Variants in RABGAP1L observed in about 807,000 individuals in gnomAD.
RABGAP1L encodes rab GTPase-activating protein 1-like.
Under a neutral mutation model 137.7 loss-of-function variants are expected in RABGAP1L, and 63 were observed. The observed-to-expected ratio is 0.46, with a 90% CI of 0.37 to 0.56. RABGAP1L has a LOEUF of 0.56. Ranked by LOEUF, RABGAP1L falls within the 20% of genes least tolerant of loss-of-function variation. The pLI is 0.00. For missense variants in RABGAP1L, 1,095 were observed against 1,244.0 expected (o/e 0.88, Z 1.80); for synonymous variants, 431 against 433.7 (o/e 0.99, Z 0.08).
In RABGAP1L at chr1:174,652,515, G is replaced by A. The variant is rs979352026; in HGVS notation, c.1824+15027G>A. On this transcript the variant is annotated intron_variant, in intron 14 of 25. Coordinates refer to ENST00000681986, the MANE Select transcript of RABGAP1L (RefSeq NM_001366446.1). ...GGATGTCCTTTTTGTTGATGTTGATGCTGTTCCTTTCTGTTTGTTAGTTTT... is the reference window on the plus strand; with the variant it reads ...GGATGTCCTTTTTGTTGATGTTGATACTGTTCCTTTCTGTTTGTTAGTTTT... 4.6e-5 allele frequency among the ~76,000 whole-genome samples: 7 copies of A among 152,284 alleles called. No individual in the cohort carries two copies. In the East Asian group the frequency reaches 1.4e-3, roughly 29 times the overall value.
intron 19 of RABGAP1L, among the ~76,000 whole-genome samples, chr1:174,936,321 A>ATTT (rs1295918623): frequency 2.0e-5 from 3 of 152,032 alleles, no homozygotes; most frequent in Non-Finnish European, 4.4e-5. Flanking sequence ...TAAGAAAATT[A>ATTT]GCTGGGAGTG....
At chr1:174,353,252 A>G (rs147492755) in intron 11 of RABGAP1L, among the ~76,000 whole-genome samples, 51 of 152,084 alleles carry the variant, frequency 3.4e-4, no homozygotes, top group African/African-American at 1.2e-3. Flanking sequence ...TTATTTTACT[A>G]TTGCTCAGCT....
At chr1:174,259,306 C>T (rs1326156216) in intron 7 of RABGAP1L, among the ~76,000 whole-genome samples, 2 of 152,048 alleles carry the variant, frequency 1.3e-5, no homozygotes, top group African/African-American at 2.4e-5. Context: ...GCTACTTACT[C>T]CTTACTTAGC....
chr1:174,747,415 A>G (rs1261841308), intron 17 of RABGAP1L, among the ~76,000 whole-genome samples: 1 of 151,560 alleles, frequency 6.6e-6, no homozygotes, highest in Non-Finnish European at 1.5e-5. Flanking sequence ...AAAAAAAAAA[A>G]AAAAAAAAAA....
At chr1:174,733,990 G>C (rs1212847192) in intron 17 of RABGAP1L, among the ~76,000 whole-genome samples, 1 of 152,168 alleles carries the variant, frequency 6.6e-6, no homozygotes, top group Non-Finnish European at 1.5e-5. Context: ...AAAAAGATTT[G>C]CTGATGGTTT....
At chr1:174,341,721 TTCTTA>T (rs1350444542) in intron 11 of RABGAP1L, among the ~76,000 whole-genome samples, 1 of 152,198 alleles carries the variant, frequency 6.6e-6, no homozygotes, top group African/African-American at 2.4e-5. Context: ...AAAAATTTCA[TTCTTA>T]TCTTTGTTTT....
At chr1:174,651,164 C>A (rs920453344) in intron 14 of RABGAP1L, among the ~76,000 whole-genome samples, 2 of 152,062 alleles carry the variant, frequency 1.3e-5, no homozygotes, top group East Asian at 3.9e-4. Flanking sequence ...TTTCTTAATC[C>A]TGAGTTCTAG....
At chr1:174,957,868 C>A in intron 20 of RABGAP1L, 3 of 1,557,858 alleles carry the variant, frequency 1.9e-6, no homozygotes, top group Non-Finnish European at 2.6e-6. Flanking sequence ...AAATAGCCAA[C>A]CATAATATTT....
At position 174,239,172 on chromosome 1, in the gene RABGAP1L, C is replaced by CA. The variant is rs1276550728; in HGVS notation, c.543-2311_543-2310insA. On this transcript the variant is annotated intron_variant, in intron 4 of 25. Coordinates refer to ENST00000681986, the MANE Select transcript of RABGAP1L (RefSeq NM_001366446.1). The stretch of plus-strand genomic sequence containing the variant: ...ACTGGCCTGCGCCCACTGTCTGGCA[C>CA]TCCCTAGTGAGATGAACCCGGTACC... 7.2e-5 allele frequency among the ~76,000 whole-genome samples: 11 copies of CA among 152,276 alleles called. No homozygotes were observed. The East Asian group carries it at 1.9e-3, about 27-fold the overall frequency.
intron 17 of RABGAP1L, among the ~76,000 whole-genome samples, chr1:174,715,401 G>C (rs184843607): frequency 8.7e-4 from 133 of 152,218 alleles, no homozygotes; most frequent in Admixed American, 2.1e-3. Flanking sequence ...TTACCACCTT[G>C]TTTCATAAAT....
At chr1:174,892,377 T>G (rs1034639720) in intron 19 of RABGAP1L, 24 of 364,100 alleles carry the variant, frequency 6.6e-5, no homozygotes, top group African/African-American at 5.2e-4. Context: ...GAAATTAGTT[T>G]CTATTTCCAG....
At chr1:174,217,578 G>C (rs1157280143) in intron 1 of RABGAP1L, among the ~76,000 whole-genome samples, 1 of 152,136 alleles carries the variant, frequency 6.6e-6, no homozygotes, top group Non-Finnish European at 1.5e-5. Flanking sequence ...GATTCATCGT[G>C]CAGTCTGGAA....
intron 13 of RABGAP1L, among the ~76,000 whole-genome samples, chr1:174,454,645 G>C (rs929358215): frequency 6.7e-6 from 1 of 150,172 alleles, no homozygotes; most frequent in South Asian, 2.1e-4. Flanking sequence ...CGCCTCCCGG[G>C]TTCACGCCAT....
chr1:174,370,041 AT>A (rs1684975283), intron 11 of RABGAP1L, among the ~76,000 whole-genome samples: 2 of 152,140 alleles, frequency 1.3e-5, no homozygotes, highest in African/African-American at 4.8e-5. Context: ...GGATCATTGG[AT>A]TTTGTGGTAT....
chr1:174,237,820 C>T (rs1303908125), intron 4 of RABGAP1L, among the ~76,000 whole-genome samples: 4 of 150,052 alleles, frequency 2.7e-5, no homozygotes, highest in Non-Finnish European at 5.9e-5. Flanking sequence ...GTTGGCCTGC[C>T]TTACTAGATT....
intron 15 of RABGAP1L, among the ~76,000 whole-genome samples, chr1:174,695,058 C>T (rs1679149946): frequency 6.6e-6 from 1 of 151,936 alleles, no homozygotes; most frequent in African/African-American, 2.4e-5. Context: ...TTTGTTTTTT[C>T]TTGTAAATTT....
chr1:174,963,712 A>G (rs1480999347), intron 20 of RABGAP1L, among the ~76,000 whole-genome samples: 1 of 151,882 alleles, frequency 6.6e-6, no homozygotes, highest in Non-Finnish European at 1.5e-5. Flanking sequence ...GTTTTTGTAA[A>G]CCAAGTTTTA....
chr1:174,905,275 A>G lies in RABGAP1L; in HGVS notation c.2341-52182A>G, dbSNP rs147183502. ...ATGACCTTTCCAAAGAGACAGAGCA[A>G]CAATTCAGTCACTAGCCTTAAGTGA... On this transcript the variant is annotated intron_variant, in intron 19 of 25. Transcript: ENST00000681986. 4.1e-4 allele frequency among the ~76,000 whole-genome samples: 62 copies of G among 152,352 alleles called. 1 individual carries two copies. The highest frequency in any genetic ancestry group is 5.8e-4 in the East Asian group (3 of 5,192).
At chr1:174,657,578 C>CT (rs1463164349) in intron 14 of RABGAP1L, among the ~76,000 whole-genome samples, 2 of 152,180 alleles carry the variant, frequency 1.3e-5, no homozygotes, top group Middle Eastern at 3.4e-3. Context: ...GGATTTCATT[C>CT]TTTTTTGTGG....
Sources: allele counts gnomAD v4.1 joint callset (sites outside exome capture counted in the v4.1 genomes callset), GRCh38; gene constraint gnomAD v4.1.1; transcripts MANE v1.5; gene names NCBI Gene and HGNC (gene_info 2026-07-23, HGNC 2026-07-21).